FYN: variants seen among roughly 807,000 people sequenced by gnomAD.
FYN encodes the protein FYN proto-oncogene, Src family tyrosine kinase.
In FYN, 10 loss-of-function variants were observed where a neutral mutation model predicts 70.2. The observed-to-expected ratio is 0.14, with a 90% CI of 0.09 to 0.24. FYN has a LOEUF of 0.24. FYN is among the 10% of genes least tolerant of loss of function. FYN has a pLI of 1.00. For synonymous variants in FYN, 236 were observed against 248.6 expected, an observed-to-expected ratio of 0.95 and a Z score of 0.48; for missense variants, 319 against 673.1, an observed-to-expected ratio of 0.47 and a Z score of 5.82.
chr6:111,697,710 A>G (rs1295560840), intron 9 of FYN, among the ~76,000 whole-genome samples: 2 of 152,254 alleles, frequency 1.3e-5, no homozygotes, highest in African/African-American at 4.8e-5. Flanking sequence ...TCTGTAATAC[A>G]AACTTCGTCA....
intron 2 of FYN, among the ~76,000 whole-genome samples, chr6:111,789,518 A>T (rs992932535): frequency 2.0e-5 from 3 of 152,194 alleles, no homozygotes; most frequent in Non-Finnish European, 4.4e-5. Flanking sequence ...TATTTGGGGA[A>T]TAAATAAAAG....
intron 2 of FYN, among the ~76,000 whole-genome samples, chr6:111,796,234 C>A (rs1771800928): frequency 6.6e-6 from 1 of 152,226 alleles, no homozygotes; most frequent in Non-Finnish European, 1.5e-5. Context: ...AATCTAAGTA[C>A]AGCCATGTGC....
intron 3 of FYN, among the ~76,000 whole-genome samples, chr6:111,743,477 A>G (rs989000403): frequency 6.6e-6 from 1 of 152,192 alleles, no homozygotes; most frequent in African/African-American, 2.4e-5. Context: ...GCATCAGAGA[A>G]ATGAGGGATT....
chr6:111,672,902 C>A (rs528848829), intron 13 of FYN, among the ~76,000 whole-genome samples: 9 of 152,296 alleles, frequency 5.9e-5, no homozygotes, highest in African/African-American at 2.2e-4. Context: ...GAAACACGCA[C>A]CTGCCTTCCT....
chr6:111,721,859 G>A (rs1800961044), intron 3 of FYN, among the ~76,000 whole-genome samples: 1 of 152,196 alleles, frequency 6.6e-6, no homozygotes, highest in Non-Finnish European at 1.5e-5. Flanking sequence ...GGTAGAACAG[G>A]CCAGTGGAGG....
At chr6:111,765,817 C>T (rs1803209657) in intron 3 of FYN, among the ~76,000 whole-genome samples, 1 of 151,004 alleles carries the variant, frequency 6.6e-6, no homozygotes, top group Non-Finnish European at 1.5e-5. Flanking sequence ...TAGACTTAGA[C>T]TCTAAGCGAC....
intron 2 of FYN, among the ~76,000 whole-genome samples, chr6:111,841,988 A>AACACAC (rs35832854): frequency 6.7e-6 from 1 of 148,170 alleles, no homozygotes; most frequent in Admixed American, 6.7e-5. Context: ...CTTCCTCCTA[A>AACACAC]ACACACACAC....
intron 12 of FYN, among the ~76,000 whole-genome samples, chr6:111,678,107 TATGTGTG>T (rs1419188568): frequency 2.1e-5 from 1 of 47,294 alleles, no homozygotes; most frequent in Non-Finnish European, 5.1e-5. Context: ...AAGGCCATAA[TATGTGTG>T]TGTGTGTGTG....
intron 2 of FYN, among the ~76,000 whole-genome samples, chr6:111,802,007 G>A (rs965356944): frequency 7.9e-5 from 12 of 152,228 alleles, no homozygotes; most frequent in African/African-American, 2.4e-4. Flanking sequence ...CTACTTGGCA[G>A]ATAAGCAATA....
chr6:111,867,815 T>A (rs866511107), intron 1 of FYN, among the ~76,000 whole-genome samples: 2 of 152,202 alleles, frequency 1.3e-5, no homozygotes, highest in African/African-American at 2.4e-5. Flanking sequence ...TGTGGCCAGA[T>A]CTTTATAAAA....
In FYN at chr6:111,837,591, AAGT is replaced by A. The variant is rs568181085; in HGVS notation, c.-82+8995_-82+8997del. Among the ~76,000 whole-genome samples the A allele has an allele frequency of 5.5e-4, 84 of 152,346 alleles. No individual in the cohort carries two copies. In the East Asian group the frequency reaches 0.015, roughly 28 times the overall value. ...ACTGACCAAAGAAAGGGGGTACAAC[AAGT>A]AGAAGTTGGTAAATGATGATGATTT... On this transcript the variant is annotated intron_variant, in intron 2 of 13. Transcript: ENST00000354650.
chr6:111,668,722 C>T (rs1381515120), intron 13 of FYN, among the ~76,000 whole-genome samples: 1 of 152,128 alleles, frequency 6.6e-6, no homozygotes, highest in Non-Finnish European at 1.5e-5. Context: ...GAGGTGACAG[C>T]ATGACCTCTG....
intron 2 of FYN, among the ~76,000 whole-genome samples, chr6:111,790,588 T>C (rs868750082): frequency 6.6e-6 from 1 of 152,206 alleles, no homozygotes; most frequent in South Asian, 2.1e-4. Flanking sequence ...GGACCTGTTT[T>C]ATCCACCTGC....
intron 6 of FYN, among the ~76,000 whole-genome samples, chr6:111,705,229 C>T (rs1173782240): frequency 2.0e-5 from 3 of 152,044 alleles, no homozygotes; most frequent in Non-Finnish European, 4.4e-5. Context: ...ATAGTATTTT[C>T]AATAACTTCC....
At chr6:111,708,977 C>T (rs1016561948) in intron 5 of FYN, 4 of 152,174 alleles carry the variant, frequency 2.6e-5, no homozygotes, top group African/African-American at 7.2e-5. Context: ...GGAGTGTGTA[C>T]CTCTTCCCAT....
intron 2 of FYN, among the ~76,000 whole-genome samples, chr6:111,820,743 T>C (rs1772630643): frequency 6.6e-6 from 1 of 151,852 alleles, no homozygotes; most frequent in Admixed American, 6.6e-5. Context: ...AGATGCATAA[T>C]TATAAAAAAA....
intron 13 of FYN, among the ~76,000 whole-genome samples, chr6:111,670,477 T>C (rs1395117414): frequency 6.6e-6 from 1 of 152,206 alleles, no homozygotes. Context: ...TGTTTATTGT[T>C]TGTCTCCTCA....
chr6:111,698,833 C>G (rs1013752768), intron 9 of FYN, among the ~76,000 whole-genome samples: 1 of 152,100 alleles, frequency 6.6e-6, no homozygotes, highest in Non-Finnish European at 1.5e-5. Flanking sequence ...GCCTGTAATC[C>G]CAGCACTTTG....
intron 3 of FYN, among the ~76,000 whole-genome samples, chr6:111,754,128 A>C (rs1450391690): frequency 6.6e-6 from 1 of 152,238 alleles, no homozygotes; most frequent in African/African-American, 2.4e-5. Context: ...TCAGAAGGAC[A>C]ATACTGTTCC....
Sources: gnomAD v4.1 joint callset for allele counts (sites outside exome capture counted in the v4.1 genomes callset) on GRCh38, gnomAD v4.1.1 for gene constraint, MANE v1.5 for transcripts, NCBI Gene and HGNC (gene_info 2026-07-23, HGNC 2026-07-21) for gene names.